Variants in NEMP2 observed in about 807,000 individuals in gnomAD.
NEMP2 encodes nuclear envelope integral membrane protein 2, also known as UPF0571 transmembrane protein.
A neutral mutation model predicts 54.2 loss-of-function variants in NEMP2; 53 were observed. The ratio of observed to expected loss-of-function variants is 0.98; its 90% CI spans 0.78 to 1.23. The LOEUF is 1.23. Among genes scored for constraint, NEMP2 ranks in the 50% most tolerant of loss-of-function variants. The pLI is 0.00. For missense variants in NEMP2, 455 were observed against 511.3 expected (o/e 0.89, Z 1.06); for synonymous variants, 197 against 190.3 (o/e 1.04, Z -0.29).
chr2:190,568,491 G>T, the NEMP2 span, among the ~76,000 whole-genome samples: 1 of 152,146 alleles, frequency 6.6e-6, no homozygotes, highest in African/African-American at 2.4e-5. The surrounding 1 kb of genome is among the most constrained non-coding windows in gnomAD (Gnocchi z 4.7). Context: ...ATATGCCTCA[G>T]TTTTGAATAA....
chr2:190,449,991 G>A, the NEMP2 span, among the ~76,000 whole-genome samples: 7 of 151,982 alleles, frequency 4.6e-5, no homozygotes, highest in Admixed American at 4.6e-4. Flanking sequence ...TTGTGCACGT[G>A]TACCCTAAAA....
the NEMP2 span, among the ~76,000 whole-genome samples, chr2:190,492,034 CAGA>C: frequency 1.3e-5 from 2 of 152,158 alleles, no homozygotes; most frequent in African/African-American, 4.8e-5. This position sits in a 1 kb window ranked among gnomAD's most constrained non-coding sequence, Gnocchi z 5.2. Flanking sequence ...GTCTCAGCAA[CAGA>C]ATCGAAGAAG....
At chr2:190,541,770 G>A in the NEMP2 span, among the ~76,000 whole-genome samples, 1 of 152,144 alleles carries the variant, frequency 6.6e-6, no homozygotes, top group African/African-American at 2.4e-5. This position sits in a 1 kb window ranked among gnomAD's most constrained non-coding sequence, Gnocchi z 5.2. Context: ...CTGTAAGATG[G>A]GGCTGGTGCT....
At chr2:190,590,742 C>A in the NEMP2 span, among the ~76,000 whole-genome samples, 1 of 152,188 alleles carries the variant, frequency 6.6e-6, no homozygotes, top group African/African-American at 2.4e-5. The surrounding 1 kb of genome is among the most constrained non-coding windows in gnomAD (Gnocchi z 5.1). Context: ...AATGGCAACT[C>A]CAAGCCAGTC....
the NEMP2 span, among the ~76,000 whole-genome samples, chr2:190,441,605 A>C: frequency 1.3e-5 from 2 of 152,110 alleles, no homozygotes; most frequent in African/African-American, 4.8e-5. Context: ...TTACTTATGT[A>C]CATGTGCTGG....
At chr2:190,445,473 G>C in the NEMP2 span, among the ~76,000 whole-genome samples, 1 of 147,600 alleles carries the variant, frequency 6.8e-6, no homozygotes. Flanking sequence ...AAAAAACCCC[G>C]ACTATACCCT....
At chr2:190,624,304 G>A in the NEMP2 span, among the ~76,000 whole-genome samples, 1 of 152,142 alleles carries the variant, frequency 6.6e-6, no homozygotes, top group African/African-American at 2.4e-5. Flanking sequence ...AACAACAGAT[G>A]GTGGTGAGGA....
At chr2:190,423,843 A>G in the NEMP2 span, among the ~76,000 whole-genome samples, 1 of 152,214 alleles carries the variant, frequency 6.6e-6, no homozygotes, top group African/African-American at 2.4e-5. The surrounding 1 kb of genome is among the most constrained non-coding windows in gnomAD (Gnocchi z 4.3). Flanking sequence ...ATAGACGTGT[A>G]GTGATATAGC....
downstream of NEMP2, among the ~76,000 whole-genome samples, chr2:190,502,861 C>A (rs905012857): frequency 2.6e-5 from 4 of 152,118 alleles, no homozygotes; most frequent in African/African-American, 9.7e-5. The surrounding 1 kb of genome is among the most constrained non-coding windows in gnomAD (Gnocchi z 4.4). Flanking sequence ...TATCACTATC[C>A]CCATTTTAAA....
chr2:190,484,327 C>A, the NEMP2 span, among the ~76,000 whole-genome samples: 1 of 152,144 alleles, frequency 6.6e-6, no homozygotes, highest in African/African-American at 2.4e-5. Context: ...TTTACCCATG[C>A]CACTGAGTAA....
the NEMP2 span, among the ~76,000 whole-genome samples, chr2:190,640,133 T>C: frequency 6.6e-6 from 1 of 152,216 alleles, no homozygotes; most frequent in Non-Finnish European, 1.5e-5. Context: ...TTCTCAATAT[T>C]ATTAAATATT....
rs1259281442 is a variant in NEMP2, at chr2:190,527,207, G to C, written c.98-1829C>G. Among the ~76,000 whole-genome samples the C allele has an allele frequency of 6.6e-6, 1 of 152,166 alleles. No individual in the cohort carries two copies. The highest frequency in any genetic ancestry group is 6.5e-5 in the Admixed American group (1 of 15,276). On this transcript the variant is annotated intron_variant, in intron 1 of 8. Coordinates refer to ENST00000409150, the MANE Select transcript of NEMP2 (RefSeq NM_001142645.2). This position sits in a 1 kb window ranked among gnomAD's most constrained non-coding sequence, Gnocchi z 4.0. ...TTCCTCCTGAAAAACCTGAAATGAA[G>C]CTAGAACAACTTGCTACACCAAAGT...
In NEMP2 at chr2:190,522,670, T is replaced by G. The variant is rs1280037231; in HGVS notation, c.213+2593A>C. ...CAGCATTTAATATCAATACAGACCT[T>G]AAGTCTGATAAGAAGCATTTATAAT... On this transcript the variant is annotated intron_variant, in intron 2 of 8. Coordinates refer to ENST00000409150, the MANE Select transcript of NEMP2 (RefSeq NM_001142645.2). The surrounding 1 kb of genome is among the most constrained non-coding windows in gnomAD (Gnocchi z 5.0). Among the ~76,000 whole-genome samples, 3 of 152,116 alleles carry G rather than the reference T, an allele frequency of 2.0e-5. No homozygotes were observed. Among genetic ancestry groups the G allele is most frequent in the African/African-American group, 7.2e-5 (3 of 41,396 alleles).
At chr2:190,493,520 G>C in the NEMP2 span, among the ~76,000 whole-genome samples, 35 of 151,990 alleles carry the variant, frequency 2.3e-4, no homozygotes, top group African/African-American at 8.2e-4. Context: ...CTATACCCTG[G>C]AACAAATGAA....
chr2:190,422,768 A>C, the NEMP2 span, among the ~76,000 whole-genome samples: 2 of 152,052 alleles, frequency 1.3e-5, no homozygotes, highest in Non-Finnish European at 2.9e-5. Context: ...TTTTCTTGAA[A>C]TTTTAAAGTT....
At chr2:190,436,846 G>T in the NEMP2 span, 3 of 1,614,028 alleles carry the variant, frequency 1.9e-6, no homozygotes, top group African/African-American at 4.0e-5. The surrounding 1 kb of genome is among the most constrained non-coding windows in gnomAD (Gnocchi z 5.3). Flanking sequence ...TTTACCTTCT[G>T]ACCAAGTCAT....
At chr2:190,464,358 C>G in the NEMP2 span, among the ~76,000 whole-genome samples, 8 of 152,092 alleles carry the variant, frequency 5.3e-5, no homozygotes, top group African/African-American at 1.9e-4. Context: ...AATAGGGGTT[C>G]TCTGGTGGTG....
the NEMP2 span, among the ~76,000 whole-genome samples, chr2:190,575,107 G>A: frequency 5.9e-5 from 9 of 151,580 alleles, no homozygotes; most frequent in African/African-American, 9.7e-5. Context: ...TGCCCGCCTC[G>A]CCCTCCCAAA....
In NEMP2 at chr2:190,509,973, G is replaced by A. The variant is rs573650082; in HGVS notation, c.1130+388C>T. On this transcript the variant is annotated intron_variant, in intron 8 of 8. Transcript: ENST00000409150. This position sits in a 1 kb window ranked among gnomAD's most constrained non-coding sequence, Gnocchi z 6.1. ...GGAGAATTGCTTGAACCTGGCAGGC[G>A]GAGGTTGCAATGAGCTGAGATTGCA... 4.6e-5 allele frequency among the ~76,000 whole-genome samples: 7 copies of A among 152,300 alleles called. No homozygotes were observed. The highest frequency in any genetic ancestry group is 8.8e-5 in the Non-Finnish European group (6 of 68,030).
Sources: gnomAD v4.1 joint callset for allele counts (sites outside exome capture counted in the v4.1 genomes callset) on GRCh38, gnomAD v4.1.1 for gene constraint, Gnocchi (gnomAD v3.1) non-coding constraint, MANE v1.5 for transcripts, NCBI Gene and HGNC (gene_info 2026-07-23, HGNC 2026-07-21) for gene names.